The following TRIM58 variants were observed in gnomAD, a reference collection of about 807,000 sequenced individuals.
TRIM58 encodes tripartite motif containing 58.
TRIM58 carries 38 observed loss-of-function variants against 34.1 expected under a neutral mutation model. That is an observed-to-expected ratio of 1.12 (90% CI 0.86 to 1.46). The LOEUF is 1.46. TRIM58 is among the 40% of genes most tolerant of loss of function. The pLI is 0.00. For missense variants in TRIM58, 677 were observed against 642.0 expected (o/e 1.05, Z -0.59); for synonymous variants, 273 against 275.7 (o/e 0.99, Z 0.10).
At position 247,857,303 on chromosome 1, in the gene TRIM58, C is replaced by A. The variant is rs1326750656; in HGVS notation, c.57C>A (p.Cys19Ter). Residue 19 changes from cysteine (C) to a stop codon, truncating the protein, a stop_gained, in exon 1 of 6, where the codon TGC (cysteine) becomes TGA (stop). Coordinates refer to ENST00000366481, the MANE Select transcript of TRIM58 (RefSeq NM_015431.4). LOFTEE classifies it high-confidence loss of function. ...GCGAGGATGCGCGGTGCCCGGTGTG[C>A]CTGGATTTCCTGCAGGAGCCGGTCA... Reference protein sequence around the residue: ...RLREDARCPVCLDFLQEPVSV... With the variant: ...RLREDARCPV 7.0e-7 allele frequency: 1 copy of A among 1,424,832 alleles called. No individual in the cohort carries two copies. The highest frequency in any genetic ancestry group is 9.2e-7 in the Non-Finnish European group (1 of 1,081,210). 88.3% of individuals were successfully genotyped at this position (1,424,832 alleles called of 1,614,324 possible). A position where few individuals can be genotyped will look rare whatever the true frequency, so the allele number is the denominator to read the frequency against.
Position 247,857,519 on chromosome 1 carries a change from C to G in TRIM58, c.273C>G (p.Pro91=), listed in dbSNP as rs550147199. Residue 91 remains proline, a synonymous_variant, in exon 1 of 6, where the codon CCC becomes CCG. Transcript: ENST00000366481. ...GGCGGCTGGGGTTGGGCGCGGGGCCCGGGGCGCGGCGATGCGCGCGGCACG... is the reference window on the plus strand; with the variant it reads ...GGCGGCTGGGGTTGGGCGCGGGGCCGGGGGCGCGGCGATGCGCGCGGCACG... The part of the protein sequence containing the change: ...SVRRLGLGAG[P]GARRCARHGE... 2.3e-6 allele frequency: 3 copies of G among 1,283,454 alleles called. No individual in the cohort carries two copies. The highest frequency in any genetic ancestry group is 2.9e-6 in the Non-Finnish European group (3 of 1,018,380). 79.5% of individuals were successfully genotyped at this position (1,283,454 alleles called of 1,614,324 possible). A position where few individuals can be genotyped will look rare whatever the true frequency, so the allele number is the denominator to read the frequency against.
chr1:247,858,752 C>CTTTTTTTTT lies in TRIM58; in HGVS notation c.420+1104_420+1112dup, dbSNP rs386370399. On this transcript the variant is annotated intron_variant, in intron 1 of 5. Transcript: ENST00000366481. ...AGTCCAGAAAGAGGATTGGTAGTAA[C>CTTTTTTTTT]TTTTTTTTTTTTTTTTTTTTTTTTT... Among the ~76,000 whole-genome samples, 3 of 87,856 alleles carry CTTTTTTTTT rather than the reference C, an allele frequency of 3.4e-5. 1 individual carries two copies. Among genetic ancestry groups the CTTTTTTTTT allele is most frequent in the Admixed American group, 3.3e-4 (2 of 6,086 alleles). 57.6% of individuals were successfully genotyped at this position (87,856 alleles called of 152,430 possible).
chr1:247,860,771 A>G (rs3737276), intron 2 of TRIM58, 59 bp downstream of exon 2: 1 of 1,324,364 alleles, frequency 7.6e-7, no homozygotes, highest in Non-Finnish European at 1.1e-6. Context: ...GATTCGGGTC[A>G]GTAATTCTTC....
chr1:247,863,957 G>A (rs1663857487), intron 2 of TRIM58, among the ~76,000 whole-genome samples: 1 of 152,122 alleles, frequency 6.6e-6, no homozygotes, highest in African/African-American at 2.4e-5. Flanking sequence ...TTATGAAACA[G>A]CATTCATATT....
chr1:247,876,165 TG>T lies in TRIM58; in HGVS notation c.1141del (p.Val381SerfsTer7). The T allele has an allele frequency of 1.9e-6, 3 of 1,614,210 alleles. No homozygotes were observed. The highest frequency in any genetic ancestry group is 2.5e-6 in the Non-Finnish European group (3 of 1,180,024). Reference sequence around the variant, plus strand: ...GGGAAACCACGCCATCTCCTGAGAATGGGGTCTGGGCCCTGTGGCTGCTGAA... The same window carrying T: ...GGGAAACCACGCCATCTCCTGAGAATGGGTCTGGGCCCTGTGGCTGCTGAA... ...KGETTPSPENGVWALWLLKGN... is the reference protein window; with the variant it reads ...KGETTPSPENXVWALWLLKGN... On this transcript the variant is annotated frameshift_variant, in exon 6 of 6. Coordinates refer to ENST00000366481, the MANE Select transcript of TRIM58 (RefSeq NM_015431.4). LOFTEE classifies it low-confidence loss of function (END_TRUNC).
intron 3 of TRIM58, among the ~76,000 whole-genome samples, chr1:247,865,403 C>G (rs983583468): frequency 1.3e-5 from 2 of 152,210 alleles, no homozygotes; most frequent in Non-Finnish European, 2.9e-5. Context: ...ACCTCAGAGT[C>G]AGTTTGTCCA....
rs774691162 is a variant in TRIM58, at chr1:247,864,801, G to T, written c.613G>T (p.Glu205Ter). ...QEEQRQLRRL[E>*]AEERATLQRL... is the part of the protein sequence containing the mutation. The stretch of plus-strand genomic sequence containing the variant: ...GGAGCAACGGCAGCTGAGGCGGCTG[G>T]AGGCGGAGGAGCGAGCGACGCTGCA... Residue 205 changes from glutamate to a stop codon, truncating the protein, a stop_gained, in exon 3 of 6, where the codon GAG (glutamate) becomes TAG (stop). Coordinates refer to ENST00000366481, the MANE Select transcript of TRIM58 (RefSeq NM_015431.4). LOFTEE classifies it high-confidence loss of function. 6.2e-7 allele frequency: 1 copy of T among 1,614,058 alleles called. No homozygotes were observed. The highest frequency in any genetic ancestry group is 8.5e-7 in the Non-Finnish European group (1 of 1,180,022).
rs765754733 is a variant in TRIM58 at position 247,876,569 on chromosome 1, A to G, written c.*80A>G. ...AAGGATATCAATATACTAAGTTTTAACAGATACCCCATTTAGGTCAGCACT... is the reference window on the plus strand; with the variant it reads ...AAGGATATCAATATACTAAGTTTTAGCAGATACCCCATTTAGGTCAGCACT... On this transcript the variant is annotated 3_prime_UTR_variant, in exon 6 of 6. Transcript: ENST00000366481. The G allele has an allele frequency of 2.8e-5, 30 of 1,077,088 alleles. No individual in the cohort carries two copies. Among genetic ancestry groups the G allele is most frequent in the Non-Finnish European group, 4.0e-5 (30 of 753,640 alleles). The allele number at this position is 1,077,088 out of a possible 1,614,324, so 66.7% of individuals were successfully genotyped here.
At position 247,857,211 on chromosome 1, in the gene TRIM58, G is replaced by C; in HGVS notation, c.-36G>C. On this transcript the variant is annotated 5_prime_UTR_variant, in exon 1 of 6. Coordinates refer to ENST00000366481, the MANE Select transcript of TRIM58 (RefSeq NM_015431.4). ...TGCAGACCGCGAGGGGAGACGGTGC[G>C]GGCGGCCGGGAGCGCAGCCCTCCGG... 6.9e-6 allele frequency: 9 copies of C among 1,306,080 alleles called. No individual in the cohort carries two copies. The highest frequency in any genetic ancestry group is 8.8e-6 in the Non-Finnish European group (9 of 1,022,346). The allele number at this position is 1,306,080 out of a possible 1,614,324, so 80.9% of individuals were successfully genotyped here.
At position 247,879,873 on chromosome 1, in the gene TRIM58, C is replaced by T. The variant is rs896287834; in HGVS notation, c.*3384C>T. Reference sequence around the variant, plus strand: ...CCCCCCAGAGCCCATCTAGAGCTCACCTTTCCAGTCGCCCTTGCCAGGCTC... The same window carrying T: ...CCCCCCAGAGCCCATCTAGAGCTCATCTTTCCAGTCGCCCTTGCCAGGCTC... On this transcript the variant is annotated 3_prime_UTR_variant, in exon 6 of 6. Coordinates refer to ENST00000366481, the MANE Select transcript of TRIM58 (RefSeq NM_015431.4). 2.0e-5 allele frequency among the ~76,000 whole-genome samples: 3 copies of T among 152,002 alleles called. No individual in the cohort carries two copies. Among genetic ancestry groups the T allele is most frequent in the African/African-American group, 7.3e-5 (3 of 41,378 alleles).
chr1:247,861,680 G>C (rs1663796318), intron 2 of TRIM58, among the ~76,000 whole-genome samples: 1 of 151,414 alleles, frequency 6.6e-6, no homozygotes, highest in Non-Finnish European at 1.5e-5. Context: ...TTTCCTTCTT[G>C]TTTTCTTTGA....
rs1659362663 is a variant in TRIM58, at chr1:247,879,503, T to C, written c.*3014T>C. Among the ~76,000 whole-genome samples, 1 of 152,066 alleles carries C rather than the reference T, an allele frequency of 6.6e-6. No individual in the cohort carries two copies. Among genetic ancestry groups the C allele is most frequent in the Non-Finnish European group, 1.5e-5 (1 of 68,022 alleles). Reference sequence around the variant, plus strand: ...TATGTTGGCATCACAGTGACTTAGATACCATCACAAAGACCTCCCATTCAA... The same window carrying C: ...TATGTTGGCATCACAGTGACTTAGACACCATCACAAAGACCTCCCATTCAA... On this transcript the variant is annotated 3_prime_UTR_variant, in exon 6 of 6. Transcript: ENST00000366481.
Position 247,876,327 on chromosome 1 carries a change from C to T in TRIM58, c.1299C>T (p.Ile433=). The change falls in exon 6 of 6, where the codon ATC becomes ATT. Residue 433 remains isoleucine, a synonymous_variant. Transcript: ENST00000366481. ...ACAATGTCACAGATGGATCTTATAT[C>T]TACACATTCAACCAACTCTTCTCTG... The part of the protein sequence containing the change: ...SFYNVTDGSY[I]YTFNQLFSGL... The T allele has an allele frequency of 1.2e-6, 2 of 1,614,174 alleles. No individual in the cohort carries two copies. The highest frequency in any genetic ancestry group is 1.6e-4 in the Middle Eastern group (1 of 6,062).
In TRIM58 at chr1:247,876,403, C is replaced by A. The variant is rs759033725; in HGVS notation, c.1375C>A (p.Pro459Thr). ...CTGTGATGCAACTCCTCTTATCTTG[C>A]CACCCACAACAATAGCAGGGTCAGG... ...FICDATPLIL[P>T]PTTIAGSGNW... Residue 459 changes from proline (P) to threonine (T), a missense_variant, in exon 6 of 6, where the codon CCA becomes ACA. Transcript: ENST00000366481. 1 of 1,614,140 alleles carries A rather than the reference C, an allele frequency of 6.2e-7. No homozygotes were observed. Among genetic ancestry groups the A allele is most frequent in the Non-Finnish European group, 8.5e-7 (1 of 1,180,010 alleles).
intron 3 of TRIM58, among the ~76,000 whole-genome samples, chr1:247,865,705 A>G (rs576786020): frequency 1.3e-5 from 2 of 152,330 alleles, no homozygotes; most frequent in Admixed American, 1.3e-4. Flanking sequence ...TCTGTGAGGC[A>G]TCATATCCCA....
At position 247,868,406 on chromosome 1, in the gene TRIM58, C is replaced by T. The variant is rs543292099; in HGVS notation, c.871+343C>T. Among the ~76,000 whole-genome samples the T allele has an allele frequency of 2.6e-5, 4 of 152,268 alleles. No homozygotes were observed. In the South Asian group the frequency reaches 8.3e-4, roughly 32 times the overall value. The stretch of plus-strand genomic sequence containing the variant: ...TATTGAAGAGATGGGGGAAGAAGTT[C>T]TCTTCCAGAGTCAATACAACACATC... On this transcript the variant is annotated intron_variant, in intron 5 of 5. Coordinates refer to ENST00000366481, the MANE Select transcript of TRIM58 (RefSeq NM_015431.4).
At chr1:247,860,216 C>T (rs1452173209) in intron 1 of TRIM58, among the ~76,000 whole-genome samples, 2 of 152,168 alleles carry the variant, frequency 1.3e-5, no homozygotes, top group African/African-American at 2.4e-5. Context: ...ATAATCCCAG[C>T]ACTTTGGAAG....
chr1:247,872,340 C>T (rs528132132), intron 5 of TRIM58, among the ~76,000 whole-genome samples: 167 of 152,182 alleles, frequency 1.1e-3, no homozygotes, highest in Middle Eastern at 6.8e-3. Context: ...GATGTTATTA[C>T]GGAAGGTGCC....
intron 3 of TRIM58, among the ~76,000 whole-genome samples, chr1:247,865,660 G>T (rs900535041): frequency 3.9e-5 from 6 of 152,186 alleles, no homozygotes. Flanking sequence ...GCAGAAAGAC[G>T]AGTAAGAGTG....
Sources: gnomAD v4.1 joint callset for allele counts (sites outside exome capture counted in the v4.1 genomes callset) on GRCh38, gnomAD v4.1.1 for gene constraint, MANE v1.5 for transcripts, NCBI Gene and HGNC (gene_info 2026-07-23, HGNC 2026-07-21) for gene names.